The following DIPK1A variants were observed in gnomAD, a reference collection of about 807,000 sequenced individuals.
DIPK1A encodes family with sequence similarity 69 member A.
A neutral mutation model predicts 40.8 loss-of-function variants in DIPK1A; 27 were observed. The observed-to-expected ratio is 0.66, with a 90% CI of 0.49 to 0.91. The LOEUF is 0.91. Among genes scored for constraint, DIPK1A ranks in the 40% least tolerant of loss-of-function variants. The pLI, the probability that DIPK1A is intolerant of heterozygous loss-of-function variation, is 0.00. For synonymous variants in DIPK1A, 166 were observed against 171.3 expected, an observed-to-expected ratio of 0.97 and a Z score of 0.24; for missense variants, 412 against 505.7, an observed-to-expected ratio of 0.81 and a Z score of 1.78.
chr1:92,959,903 C>CATTTTTTTTTTTTTTTTTTTTTTT (rs1651998956), intron 1 of DIPK1A, among the ~76,000 whole-genome samples: 1 of 47,892 alleles, frequency 2.1e-5, no homozygotes, highest in African/African-American at 1.1e-4. Flanking sequence ...ACCCAACCAA[C>CATTTTTTTTTTTTTTTTTTTTTTT]TTTTTTTTTT....
intron 1 of DIPK1A, among the ~76,000 whole-genome samples, chr1:92,893,189 A>G (rs1430062726): frequency 6.7e-6 from 1 of 149,902 alleles, no homozygotes; most frequent in Non-Finnish European, 1.5e-5. Flanking sequence ...CAACTCCAAG[A>G]CACATAATTG....
chr1:92,851,558 A>AAAAAAAAAAC, intron 2 of DIPK1A, among the ~76,000 whole-genome samples: 1 of 94,446 alleles, frequency 1.1e-5, no homozygotes, highest in South Asian at 5.9e-4. Context: ...AAAAAAAAAA[A>AAAAAAAAAAC]AAAACTTCTG....
At position 92,842,911 on chromosome 1, in the gene DIPK1A, AAAG is replaced by A; in HGVS notation, c.*469_*471del. The stretch of plus-strand genomic sequence containing the variant: ...GCTATTAACCCAACATCTGTTTTAT[AAAG>A]AAGCAAGTTTAACCTGCTTTGCAGT... On this transcript the variant is annotated 3_prime_UTR_variant, in exon 5 of 5. Transcript: ENST00000370310. The A allele has an allele frequency of 1.0e-6, 1 of 987,828 alleles. No individual in the cohort carries two copies. Among genetic ancestry groups the A allele is most frequent in the Non-Finnish European group, 1.2e-6 (1 of 831,600 alleles). The allele number at this position is 987,828 out of a possible 1,614,324, so 61.2% of individuals were successfully genotyped here.
intron 2 of DIPK1A, among the ~76,000 whole-genome samples, chr1:92,857,325 T>G (rs1012209090): frequency 7.9e-5 from 12 of 151,926 alleles, no homozygotes; most frequent in African/African-American, 2.7e-4. Context: ...ATATTGTTTT[T>G]TTTTTTTTTT....
At chr1:92,837,989 C>T (rs1289417471), downstream of DIPK1A, among the ~76,000 whole-genome samples, 2 of 152,166 alleles carry the variant, frequency 1.3e-5, no homozygotes, top group Non-Finnish European at 2.9e-5. Context: ...TGGACTTTCC[C>T]ATTATCTCAG....
chr1:92,928,307 T>C (rs1650600979), intron 1 of DIPK1A, among the ~76,000 whole-genome samples: 1 of 152,238 alleles, frequency 6.6e-6, no homozygotes, highest in South Asian at 2.1e-4. Flanking sequence ...TAAATACAGA[T>C]ATCTTGTAAC....
intron 1 of DIPK1A, among the ~76,000 whole-genome samples, chr1:92,958,042 T>A (rs1014448384): frequency 2.6e-5 from 4 of 152,256 alleles, no homozygotes; most frequent in East Asian, 3.8e-4. Context: ...ACAGTGTGTA[T>A]CAGAACTTCA....
At chr1:92,904,152 A>T (rs1370370181) in intron 1 of DIPK1A, among the ~76,000 whole-genome samples, 1 of 152,222 alleles carries the variant, frequency 6.6e-6, no homozygotes, top group Non-Finnish European at 1.5e-5. Flanking sequence ...CAAATGACAG[A>T]TCTTTTGATC....
intron 1 of DIPK1A, among the ~76,000 whole-genome samples, chr1:92,898,649 T>C (rs900188446): frequency 6.6e-6 from 1 of 152,232 alleles, no homozygotes; most frequent in South Asian, 2.1e-4. Flanking sequence ...TAATTTTTAT[T>C]TGTTTACGGT....
At chr1:92,853,092 A>C (rs1316633072) in intron 2 of DIPK1A, among the ~76,000 whole-genome samples, 1 of 152,144 alleles carries the variant, frequency 6.6e-6, no homozygotes, top group African/African-American at 2.4e-5. Flanking sequence ...GACAAGGTTG[A>C]GAAATGCAAG....
intron 1 of DIPK1A, among the ~76,000 whole-genome samples, chr1:92,928,057 T>C (rs1650592817): frequency 6.6e-6 from 1 of 152,206 alleles, no homozygotes; most frequent in Non-Finnish European, 1.5e-5. Context: ...GCAGCTGCAA[T>C]ACTGTACACT....
intron 3 of DIPK1A, among the ~76,000 whole-genome samples, chr1:92,850,449 G>A (rs1322422166): frequency 1.3e-5 from 2 of 152,214 alleles, no homozygotes; most frequent in Admixed American, 6.5e-5. Context: ...GGAAGGCCAA[G>A]GCGGGTGGAT....
In DIPK1A at chr1:92,843,739, C is replaced by T; in HGVS notation, c.931G>A (p.Val311Met). ...TCTGGCACAATTTTTCTCATATCCA[C>T]CATTTTCAAATCATACTTATCATTA... Reference protein sequence around the residue: ...GYNDKYDLKMVDMRKIVPETN... With the variant: ...GYNDKYDLKMMDMRKIVPETN... Residue 311 changes from valine to methionine, a missense_variant, in exon 5 of 5, where the codon GTG becomes ATG. Transcript: ENST00000370310. 1 of 1,551,746 alleles carries T rather than the reference C, an allele frequency of 6.4e-7. No homozygotes were observed. The highest frequency in any genetic ancestry group is 8.7e-7 in the Non-Finnish European group (1 of 1,146,978).
downstream of DIPK1A, among the ~76,000 whole-genome samples, chr1:92,841,512 T>C (rs1014308117): frequency 6.6e-6 from 1 of 152,128 alleles, no homozygotes; most frequent in African/African-American, 2.4e-5. Context: ...TACCTAGAAG[T>C]GGTATTACTG....
intron 1 of DIPK1A, among the ~76,000 whole-genome samples, chr1:92,944,146 T>C (rs1651276578): frequency 6.6e-6 from 1 of 151,646 alleles, no homozygotes; most frequent in Admixed American, 6.6e-5. Flanking sequence ...ATCTGGAAAA[T>C]AAAATTGAGA....
chr1:92,884,001 A>T (rs1648492032), intron 1 of DIPK1A, among the ~76,000 whole-genome samples: 1 of 152,206 alleles, frequency 6.6e-6, no homozygotes, highest in Non-Finnish European at 1.5e-5. Context: ...GAGAACTGGA[A>T]GTTGCTATTA....
intron 1 of DIPK1A, among the ~76,000 whole-genome samples, chr1:92,961,093 G>C (rs965348963): frequency 2.0e-5 from 3 of 152,088 alleles, no homozygotes; most frequent in Non-Finnish European, 4.4e-5. Context: ...GTCACGTCTC[G>C]GGGCTCTCAG....
intron 2 of DIPK1A, among the ~76,000 whole-genome samples, chr1:92,868,592 C>T (rs1402546645): frequency 1.3e-5 from 2 of 152,138 alleles, no homozygotes; most frequent in South Asian, 2.1e-4. Context: ...ATTGCTATTA[C>T]ATATGTTTTC....
At chr1:92,851,675 T>C (rs1408944577) in intron 2 of DIPK1A, among the ~76,000 whole-genome samples, 3 of 151,190 alleles carry the variant, frequency 2.0e-5, no homozygotes, top group Non-Finnish European at 4.4e-5. Flanking sequence ...CCATCCACTC[T>C]CTGAAAAAAT....
Sources: gnomAD v4.1 joint callset for allele counts (sites outside exome capture counted in the v4.1 genomes callset) on GRCh38, gnomAD v4.1.1 for gene constraint, MANE v1.5 for transcripts, NCBI Gene and HGNC (gene_info 2026-07-23, HGNC 2026-07-21) for gene names.